The following INSYN1 variants were observed in gnomAD, a reference collection of about 807,000 sequenced individuals.
INSYN1 encodes UPF0583 protein C15orf59.
Under a neutral mutation model 17.1 loss-of-function variants are expected in INSYN1, and 7 were observed. That is an observed-to-expected ratio of 0.41 (90% CI 0.23 to 0.77). The LOEUF is 0.77. Among genes scored for constraint, INSYN1 ranks in the 30% least tolerant of loss-of-function variants. The probability of loss-of-function intolerance (pLI) is 0.32; values close to 1 mark genes in which losing one functional copy is unlikely to be tolerated. For synonymous variants in INSYN1, 174 were observed against 166.3 expected (o/e 1.05, Z -0.36); for missense variants, 339 against 400.6 (o/e 0.85, Z 1.31).
Position 73,752,306 on chromosome 15 carries a change from A to C in INSYN1, c.-764T>G, listed in dbSNP as rs1233455065. ...GGGGCGGGGCCTCCGCGCTCCAGGG[A>C]AGGGGGCAGGAAAAATCTTTCTCAA... On this transcript the variant is annotated 5_prime_UTR_variant, in exon 1 of 3. Coordinates refer to ENST00000569673, the MANE Select transcript of INSYN1 (RefSeq NM_001039614.3). This position sits in a 1 kb window ranked among gnomAD's most constrained non-coding sequence, Gnocchi z 5.2. 3 of 152,050 alleles carry C rather than the reference A, an allele frequency of 2.0e-5. No homozygotes were observed. Among genetic ancestry groups the C allele is most frequent in the African/African-American group, 7.3e-5 (3 of 41,354 alleles). 9.4% of individuals were successfully genotyped at this position (152,050 alleles called of 1,614,324 possible).
At chr15:73,742,208 C>T (rs1305311647) in intron 2 of INSYN1, among the ~76,000 whole-genome samples, 1 of 152,180 alleles carries the variant, frequency 6.6e-6, no homozygotes, top group Admixed American at 6.5e-5. Context: ...TGGCTGAGGC[C>T]TCCAGAAGAG....
In INSYN1 at chr15:73,751,287, C is replaced by T. The variant is rs550014635; in HGVS notation, c.-157G>A. 2 of 760,032 alleles carry T rather than the reference C, an allele frequency of 2.6e-6. No individual in the cohort carries two copies. Among genetic ancestry groups the T allele is most frequent in the Non-Finnish European group, 4.2e-6 (2 of 474,632 alleles). 47.1% of individuals were successfully genotyped at this position (760,032 alleles called of 1,614,324 possible). ...GGCGGCCCTCAACCAGCCCCTGCCC[C>T]CTGCCACCCAGCCTCCTCTGCCTCT... On this transcript the variant is annotated 5_prime_UTR_variant, in exon 2 of 3. Coordinates refer to ENST00000569673, the MANE Select transcript of INSYN1 (RefSeq NM_001039614.3).
Position 73,739,838 on chromosome 15 carries a change from A to AATATATAT in INSYN1, c.*71_*78dup, listed in dbSNP as rs71650721. The AATATATAT allele has an allele frequency of 3.0e-3, 428 of 144,650 alleles. 2 individuals are homozygous for AATATATAT. Among genetic ancestry groups the AATATATAT allele is most frequent in the East Asian group, 0.011 (51 of 4,722 alleles). 9.0% of individuals were successfully genotyped at this position (144,650 alleles called of 1,614,324 possible). ...ATTTTATTATGACTTCATTTGTTTA[A>AATATATAT]ATATATATATATATATATATATATA... On this transcript the variant is annotated 3_prime_UTR_variant, in exon 3 of 3. Transcript: ENST00000569673.
Position 73,751,555 on chromosome 15 carries a change from A to C in INSYN1, c.-425T>G. The C allele has an allele frequency of 1.0e-5, 2 of 195,240 alleles. No individual in the cohort carries two copies. The highest frequency in any genetic ancestry group is 1.1e-4 in the East Asian group (1 of 8,698). 12.1% of individuals were successfully genotyped at this position (195,240 alleles called of 1,614,324 possible). On this transcript the variant is annotated 5_prime_UTR_variant, in exon 2 of 3. Coordinates refer to ENST00000569673, the MANE Select transcript of INSYN1 (RefSeq NM_001039614.3). ...GGAAGGCAGCAGGGATCCCCTCACA[A>C]CTCCTAGGCAGTTGCAAAGGCAGAG...
At position 73,753,287 on chromosome 15, in the gene INSYN1, G is replaced by A. The variant is rs1189161583; in HGVS notation, c.-1745C>T. ...CGGACTGGCCGCCCGGGCGGGCGCT[G>A]GCTCCCTTAAAGGCCGCCCGGCTCG... On this transcript the variant is annotated 5_prime_UTR_variant, in exon 1 of 3. Coordinates refer to ENST00000569673, the MANE Select transcript of INSYN1 (RefSeq NM_001039614.3). This position sits in a 1 kb window ranked among gnomAD's most constrained non-coding sequence, Gnocchi z 4.2. 6.0e-5 allele frequency among the ~76,000 whole-genome samples: 9 copies of A among 149,700 alleles called. No homozygotes were observed. The highest frequency in any genetic ancestry group is 2.1e-4 in the South Asian group (1 of 4,812).
At position 73,742,813 on chromosome 15, in the gene INSYN1, G is replaced by T. The variant is rs528171831; in HGVS notation, c.157-2171C>A. Among the ~76,000 whole-genome samples, 11 of 152,220 alleles carry T rather than the reference G, an allele frequency of 7.2e-5. No individual in the cohort carries two copies. The South Asian group carries it at 1.5e-3, about 20-fold the overall frequency. On this transcript the variant is annotated intron_variant, in intron 2 of 2. Coordinates refer to ENST00000569673, the MANE Select transcript of INSYN1 (RefSeq NM_001039614.3). ...GGGCTGGTGGGAGCACTGGCCTAGC[G>T]TAGGGACACTCAGACTTGAGTGTCC...
chr15:73,747,942 C>G (rs1901880252), intron 2 of INSYN1, among the ~76,000 whole-genome samples: 1 of 152,178 alleles, frequency 6.6e-6, no homozygotes, highest in African/African-American at 2.4e-5. Flanking sequence ...CTTTCCCCAC[C>G]AATGGGATAG....
At position 73,739,864 on chromosome 15, in the gene INSYN1, TA is replaced by T. The variant is rs1194010082; in HGVS notation, c.*52del. 231 of 330,628 alleles carry T rather than the reference TA, an allele frequency of 7.0e-4. 1 individual carries two copies. Among genetic ancestry groups the T allele is most frequent in the Admixed American group, 1.6e-3 (39 of 23,948 alleles). The allele number at this position is 330,628 out of a possible 1,614,324, so 20.5% of individuals were successfully genotyped here. A position where few individuals can be genotyped will look rare whatever the true frequency, so the allele number is the denominator to read the frequency against. On this transcript the variant is annotated 3_prime_UTR_variant, in exon 3 of 3. Transcript: ENST00000569673. ...ATATATATATATATATATATATATATATATTTATTTATAGCTCTATGTGCCC... is the reference window on the plus strand; with the variant it reads ...ATATATATATATATATATATATATATTATTTATTTATAGCTCTATGTGCCC...
intron 2 of INSYN1, among the ~76,000 whole-genome samples, chr15:73,744,066 G>A (rs1470081515): frequency 6.6e-6 from 1 of 152,078 alleles, no homozygotes; most frequent in African/African-American, 2.4e-5. Flanking sequence ...TGATAGGGCT[G>A]TTGTGAGGAT....
In INSYN1 at chr15:73,739,865, A is replaced by ATATATATATATT. The variant is rs1410142997; in HGVS notation, c.*51_*52insAATATATATATA. 104 of 328,892 alleles carry ATATATATATATT rather than the reference A, an allele frequency of 3.2e-4. No homozygotes were observed. The highest frequency in any genetic ancestry group is 1.2e-3 in the Admixed American group (28 of 24,102). 20.4% of individuals were successfully genotyped at this position (328,892 alleles called of 1,614,324 possible). On this transcript the variant is annotated 3_prime_UTR_variant, in exon 3 of 3. Coordinates refer to ENST00000569673, the MANE Select transcript of INSYN1 (RefSeq NM_001039614.3). ...TATATATATATATATATATATATAT[A>ATATATATATATT]TATTTATTTATAGCTCTATGTGCCC...
At chr15:73,748,421 T>A (rs140957814) in intron 2 of INSYN1, among the ~76,000 whole-genome samples, 1 of 152,094 alleles carries the variant, frequency 6.6e-6, no homozygotes, top group African/African-American at 2.4e-5. Context: ...GTGACTCTCA[T>A]CTCCACTTCT....
intron 2 of INSYN1, among the ~76,000 whole-genome samples, chr15:73,743,047 C>T (rs1052774844): frequency 2.6e-5 from 4 of 152,226 alleles, no homozygotes; most frequent in African/African-American, 9.6e-5. Flanking sequence ...ACCTCTGGGG[C>T]AGCTATGCCC....
chr15:73,746,711 G>C (rs1258073211), intron 2 of INSYN1, among the ~76,000 whole-genome samples: 2 of 152,166 alleles, frequency 1.3e-5, no homozygotes, highest in South Asian at 4.1e-4. Flanking sequence ...TCCCACCCAA[G>C]AGTCACCGAT....
In INSYN1 at chr15:73,739,909, C is replaced by G; in HGVS notation, c.*8G>C. The G allele has an allele frequency of 6.8e-7, 1 of 1,462,206 alleles. No individual in the cohort carries two copies. The highest frequency in any genetic ancestry group is 9.5e-7 in the Non-Finnish European group (1 of 1,056,554). 90.6% of individuals were successfully genotyped at this position (1,462,206 alleles called of 1,614,324 possible). A position where few individuals can be genotyped will look rare whatever the true frequency, so the allele number is the denominator to read the frequency against. On this transcript the variant is annotated 3_prime_UTR_variant, in exon 3 of 3. Transcript: ENST00000569673. ...TGTGCCCACCGCCCCCGGCCCCCTC[C>G]CCGGCCCCTAGTTTTTCCCCCTGGC...
At position 73,740,411 on chromosome 15, in the gene INSYN1, A is replaced by T; in HGVS notation, c.388T>A (p.Ser130Thr). Residue 130 changes from serine to threonine, a missense_variant, in exon 3 of 3, where the codon TCG becomes ACG. By Grantham distance (58) the Ser-to-Thr change is moderately conservative. Transcript: ENST00000569673. ...TCAGGGCCAGCCCCTGGCCGAGTCG[A>T]CTCGGGACCATCCACGGAGTCCGAG... ...TPSDSVDGPE[S>T]TRPGAGPDYR... is the part of the protein sequence containing the mutation. 1 of 1,612,420 alleles carries T rather than the reference A, an allele frequency of 6.2e-7. No individual in the cohort carries two copies. Among genetic ancestry groups the T allele is most frequent in the Non-Finnish European group, 8.5e-7 (1 of 1,179,326 alleles).
intron 2 of INSYN1, 152 bp downstream of exon 2, chr15:73,750,823 G>C (rs772025537): frequency 2.2e-5 from 19 of 873,550 alleles, no homozygotes; most frequent in Non-Finnish European, 2.9e-5. Context: ...GCAGATTTGC[G>C]GAAAGGAGAG....
At position 73,741,210 on chromosome 15, in the gene INSYN1, C is replaced by T. The variant is rs182520659; in HGVS notation, c.157-568G>A. ...GCCCCTGGGTCTCCACCATCCCTCA[C>T]GGCAAGAACACCAGGTGTACAGCAC... is the stretch of plus-strand genomic sequence containing the variant. On this transcript the variant is annotated intron_variant, in intron 2 of 2. Coordinates refer to ENST00000569673, the MANE Select transcript of INSYN1 (RefSeq NM_001039614.3). Among the ~76,000 whole-genome samples the T allele has an allele frequency of 5.6e-4, 85 of 152,344 alleles. 1 individual carries two copies. The East Asian group carries it at 9.6e-3, about 17-fold the overall frequency.
chr15:73,741,427 C>G (rs1789551182), intron 2 of INSYN1, among the ~76,000 whole-genome samples: 1 of 152,228 alleles, frequency 6.6e-6, no homozygotes, highest in Non-Finnish European at 1.5e-5. Flanking sequence ...CAGGGGGCAG[C>G]TCAGCTGTGG....
At chr15:73,744,848 G>T (rs1249638147) in intron 2 of INSYN1, among the ~76,000 whole-genome samples, 1 of 152,174 alleles carries the variant, frequency 6.6e-6, no homozygotes, top group Non-Finnish European at 1.5e-5. Context: ...GTCTCAATGT[G>T]TTTGCCGAGG....
Sources: allele counts gnomAD v4.1 joint callset (sites outside exome capture counted in the v4.1 genomes callset), GRCh38; gene constraint gnomAD v4.1.1; non-coding constraint Gnocchi (gnomAD v3.1); transcripts MANE v1.5; gene names NCBI Gene and HGNC (gene_info 2026-07-23, HGNC 2026-07-21).